The following ADGRB1 variants were observed in gnomAD, a reference collection of about 807,000 sequenced individuals.
ADGRB1 encodes the protein brain-specific angiogenesis inhibitor 1.
A neutral mutation model predicts 175.7 loss-of-function variants in ADGRB1; 36 were observed. The observed-to-expected ratio is 0.20, with a 90% confidence interval of 0.16 to 0.27. The LOEUF (loss-of-function observed/expected upper bound fraction) is 0.27, where lower values mean the gene tolerates loss of function less well. ADGRB1 is among the 10% of genes least tolerant of loss of function. The pLI, the probability that ADGRB1 is intolerant of heterozygous loss-of-function variation, is 1.00. For synonymous variants in ADGRB1, 1,054 were observed against 979.4 expected, an observed-to-expected ratio of 1.08 and a Z score of -1.42; for missense variants, 1,731 against 2,255.3, an observed-to-expected ratio of 0.77 and a Z score of 4.71.
At chr8:142,500,120 C>CGGCAGCCG (rs1468340211) in intron 17 of ADGRB1, among the ~76,000 whole-genome samples, 1 of 152,078 alleles carries the variant, frequency 6.6e-6, no homozygotes, top group Non-Finnish European at 1.5e-5. Flanking sequence ...CAATGCAAGA[C>CGGCAGCCG]GCCAGTCCCA....
intron 24 of ADGRB1, among the ~76,000 whole-genome samples, chr8:142,530,373 G>T (rs866878648): frequency 6.6e-6 from 1 of 152,128 alleles, no homozygotes; most frequent in South Asian, 2.1e-4. Context: ...GGGCGGTATG[G>T]GCTCAGGTGG....
At chr8:142,481,171 A>T in intron 9 of ADGRB1, 83 bp from the exon 10 acceptor site, 2 of 1,325,394 alleles carry the variant, frequency 1.5e-6, no homozygotes, top group Non-Finnish European at 2.2e-6. Flanking sequence ...GGTCCCTTCC[A>T]GAAGGTCTGC....
At chr8:142,503,918 C>T (rs1201580353) in intron 17 of ADGRB1, among the ~76,000 whole-genome samples, 1 of 152,118 alleles carries the variant, frequency 6.6e-6, no homozygotes, top group Non-Finnish European at 1.5e-5. Context: ...ACATGAGAAG[C>T]CCTGGAGGCC....
intron 24 of ADGRB1, among the ~76,000 whole-genome samples, chr8:142,532,571 C>T (rs1361902127): frequency 2.0e-5 from 3 of 152,154 alleles, no homozygotes; most frequent in East Asian, 1.9e-4. Flanking sequence ...GGAGGAGGCG[C>T]CTGTCAGTCT....
At chr8:142,544,084 A>ATCCTGTC (rs1845449300) in intron 30 of ADGRB1, 136 bp from the exon 31 acceptor site, 1 of 927,192 alleles carries the variant, frequency 1.1e-6, no homozygotes, top group African/African-American at 1.8e-5. Flanking sequence ...TGAAAGCCTC[A>ATCCTGTC]TCCTGTCCCC....
chr8:142,456,764 G>A (rs78807668), intron 1 of ADGRB1, among the ~76,000 whole-genome samples: 4,597 of 152,346 alleles, frequency 0.03, 124 homozygotes, highest in East Asian at 0.077. Context: ...CCTGCCCGCC[G>A]TGGTGGGGTG....
intron 17 of ADGRB1, among the ~76,000 whole-genome samples, chr8:142,496,982 G>A (rs985555590): frequency 5.9e-5 from 9 of 152,246 alleles, no homozygotes; most frequent in African/African-American, 9.6e-5. Context: ...CCTGGTAGGC[G>A]TGTGTGGAAG....
Position 142,464,310 on chromosome 8 carries a change from C to A in ADGRB1, c.112C>A (p.Pro38Thr). Residue 38 changes from proline to threonine, a missense_variant, in exon 2 of 31, where the codon CCC becomes ACC. Transcript: ENST00000517894. The stretch of plus-strand genomic sequence containing the variant: ...GGCGGCCGCCGGAGCAGACGCGGGG[C>A]CCGGGCCCGAGCCGTGCGCCACGCT... Reference protein sequence around the residue: ...ARAAAGADAGPGPEPCATLVQ... With the variant: ...ARAAAGADAGTGPEPCATLVQ... The A allele has an allele frequency of 1.4e-6, 2 of 1,439,028 alleles. No individual in the cohort carries two copies. Among genetic ancestry groups the A allele is most frequent in the Non-Finnish European group, 1.8e-6 (2 of 1,103,824 alleles). The allele number at this position is 1,439,028 out of a possible 1,614,324, so 89.1% of individuals were successfully genotyped here.
At chr8:142,486,102 A>G (rs921320808) in intron 13 of ADGRB1, among the ~76,000 whole-genome samples, 2 of 152,192 alleles carry the variant, frequency 1.3e-5, no homozygotes, top group African/African-American at 2.4e-5. Context: ...CATTCAAGCT[A>G]TAGCACACCA....
At chr8:142,529,760 C>A (rs899604570) in intron 24 of ADGRB1, among the ~76,000 whole-genome samples, 7 of 149,108 alleles carry the variant, frequency 4.7e-5, no homozygotes, top group Admixed American at 1.3e-4. Flanking sequence ...GAGTGTGCAT[C>A]TATGTGTGTG....
chr8:142,476,810 C>T (rs1423018250), intron 4 of ADGRB1, 115 bp downstream of exon 4: 6 of 1,115,900 alleles, frequency 5.4e-6, no homozygotes, highest in African/African-American at 4.7e-5. Flanking sequence ...CTAGACTAAA[C>T]CCTTAGGTGC....
At chr8:142,495,927 GTGGGTGGATGGATAGGTGGGTGGGTGGA>G (rs1842190685) in intron 17 of ADGRB1, among the ~76,000 whole-genome samples, 1 of 135,284 alleles carries the variant, frequency 7.4e-6, no homozygotes, top group Non-Finnish European at 1.6e-5. Flanking sequence ...GGGTGGGCGG[GTGGGTGGATGGATAGGTGGGTGGGTGGA>G]TGGGTGGATG....
chr8:142,523,767 T>G (rs1844007730), intron 22 of ADGRB1, among the ~76,000 whole-genome samples: 1 of 82,392 alleles, frequency 1.2e-5, no homozygotes, highest in Admixed American at 1.6e-4. Flanking sequence ...AATGTGGGGC[T>G]GCTTACTGGG....
At chr8:142,454,662 C>T (rs1467967746) in intron 1 of ADGRB1, among the ~76,000 whole-genome samples, 1 of 152,122 alleles carries the variant, frequency 6.6e-6, no homozygotes, top group African/African-American at 2.4e-5. Context: ...CAGGCCCCAG[C>T]GCCTCCTTTC....
chr8:142,474,496 C>T lies in ADGRB1; in HGVS notation c.785-978C>T, dbSNP rs1212728801. ...GAGGCCCGAGCGGGAGGCCTGGACG[C>T]GGCAGCCCCTTCCCGGCCCCCTGGT... On this transcript the variant is annotated intron_variant, in intron 2 of 30. Transcript: ENST00000517894. This position sits in a 1 kb window ranked among gnomAD's most constrained non-coding sequence, Gnocchi z 5.8. 2.6e-5 allele frequency among the ~76,000 whole-genome samples: 4 copies of T among 152,128 alleles called. No individual in the cohort carries two copies. Among genetic ancestry groups the T allele is most frequent in the African/African-American group, 9.7e-5 (4 of 41,416 alleles).
chr8:142,489,891 C>T (rs538601081), intron 16 of ADGRB1, among the ~76,000 whole-genome samples: 6 of 152,310 alleles, frequency 3.9e-5, no homozygotes, highest in South Asian at 2.1e-4. Context: ...AACTCCCTGG[C>T]GGGAAGCCCC....
intron 22 of ADGRB1, 137 bp downstream of exon 22, chr8:142,522,847 G>A (rs963115755): frequency 9.7e-7 from 1 of 1,028,630 alleles, no homozygotes; most frequent in Non-Finnish European, 1.3e-6. Context: ...GGAGGGTGGG[G>A]CCCCAGGGGC....
At chr8:142,459,204 G>A (rs1839842234) in intron 1 of ADGRB1, among the ~76,000 whole-genome samples, 4 of 152,232 alleles carry the variant, frequency 2.6e-5, no homozygotes, top group Admixed American at 2.6e-4. Context: ...GGATGAGGCT[G>A]GAAAAGCCTG....
rs1393398929 is a variant in ADGRB1, at chr8:142,476,685, C to A, written c.1047C>A (p.Ala349=). The A allele has an allele frequency of 7.1e-6, 11 of 1,545,780 alleles. No individual in the cohort carries two copies. In the African/African-American group the frequency reaches 8.2e-5, roughly 12 times the overall value. The change falls in exon 4 of 31, where the codon GCC becomes GCA. Residue 349 remains alanine (A), a synonymous_variant. Coordinates refer to ENST00000517894, the MANE Select transcript of ADGRB1 (RefSeq NM_001702.3). ...GDELQQFGFP[A]PQTGDPAAEE... ...AGCTGCAGCAGTTTGGGTTCCCAGCCCCCCAGACCGGTGAGCTGGCGGGAG... is the reference window on the plus strand; with the variant it reads ...AGCTGCAGCAGTTTGGGTTCCCAGCACCCCAGACCGGTGAGCTGGCGGGAG...
Sources: gnomAD v4.1 joint callset for allele counts (sites outside exome capture counted in the v4.1 genomes callset) on GRCh38, gnomAD v4.1.1 for gene constraint, Gnocchi (gnomAD v3.1) non-coding constraint, MANE v1.5 for transcripts, NCBI Gene and HGNC (gene_info 2026-07-23, HGNC 2026-07-21) for gene names.